The following EXOC4 variants were observed in gnomAD, a reference collection of about 807,000 sequenced individuals.
EXOC4 encodes the protein exocyst complex component 4.
Under a neutral mutation model 107.2 loss-of-function variants are expected in EXOC4, and 71 were observed. The observed-to-expected ratio is 0.66, with a 90% CI of 0.55 to 0.81. The LOEUF is 0.81. Among genes scored for constraint, EXOC4 ranks in the 30% least tolerant of loss-of-function variants. EXOC4 has a pLI of 0.00. For synonymous variants in EXOC4, 456 were observed against 441.2 expected (o/e 1.03, Z -0.42); for missense variants, 1,108 against 1,189.6 (o/e 0.93, Z 1.01).
intron 2 of EXOC4, among the ~76,000 whole-genome samples, chr7:133,280,329 T>C (rs1484214824): frequency 6.6e-6 from 1 of 152,218 alleles, no homozygotes; most frequent in Non-Finnish European, 1.5e-5. Context: ...GTTCTGCCAG[T>C]GTCTCTCATA....
At chr7:134,072,127 A>C in the EXOC4 span, among the ~76,000 whole-genome samples, 1 of 152,200 alleles carries the variant, frequency 6.6e-6, no homozygotes, top group Admixed American at 6.5e-5. Flanking sequence ...GAGGCTGGAG[A>C]TAACCCCAAG....
intron 7 of EXOC4, among the ~76,000 whole-genome samples, chr7:133,454,305 T>C (rs948825729): frequency 1.3e-5 from 2 of 152,212 alleles, no homozygotes; most frequent in Non-Finnish European, 2.9e-5. Context: ...ATTTTATTTA[T>C]TTTATTTTAT....
At chr7:133,804,657 G>T (rs1797030134) in intron 10 of EXOC4, among the ~76,000 whole-genome samples, 1 of 152,050 alleles carries the variant, frequency 6.6e-6, no homozygotes, top group Non-Finnish European at 1.5e-5. Context: ...TCACATTTTT[G>T]ACATATGAAA....
chr7:133,680,763 C>T (rs1794169757), intron 10 of EXOC4, among the ~76,000 whole-genome samples: 1 of 152,152 alleles, frequency 6.6e-6, no homozygotes. Context: ...GAACTTTTCC[C>T]ACTTTAAATA....
chr7:134,084,449 G>A, the EXOC4 span, among the ~76,000 whole-genome samples: 2 of 152,184 alleles, frequency 1.3e-5, no homozygotes, highest in African/African-American at 4.8e-5. Flanking sequence ...GCAAGGAGAA[G>A]AGTGACTAGT....
chr7:133,829,119 A>G (rs969376715), intron 11 of EXOC4, among the ~76,000 whole-genome samples: 1 of 152,220 alleles, frequency 6.6e-6, no homozygotes, highest in East Asian at 1.9e-4. Flanking sequence ...CAACAGTCAC[A>G]ATGTAAGCAA....
chr7:133,657,995 AG>A (rs1326382051), intron 10 of EXOC4, among the ~76,000 whole-genome samples: 4 of 152,186 alleles, frequency 2.6e-5, no homozygotes, highest in African/African-American at 4.8e-5. Flanking sequence ...TACAGAAAGC[AG>A]TTAGGTACCA....
intron 9 of EXOC4, among the ~76,000 whole-genome samples, chr7:133,537,136 A>G (rs1488546871): frequency 6.7e-6 from 1 of 148,726 alleles, no homozygotes; most frequent in Non-Finnish European, 1.5e-5. Context: ...TTAAATTCAC[A>G]CTGTTTATAT....
the EXOC4 span, among the ~76,000 whole-genome samples, chr7:134,086,117 A>G: frequency 2.0e-5 from 3 of 152,226 alleles, no homozygotes; most frequent in Non-Finnish European, 4.4e-5. Context: ...GCTGACCACT[A>G]AGTTAACTGA....
chr7:133,846,840 C>T (rs755398139), intron 11 of EXOC4, among the ~76,000 whole-genome samples: 1 of 152,198 alleles, frequency 6.6e-6, no homozygotes, highest in Non-Finnish European at 1.5e-5. Context: ...TGCTGGGTTT[C>T]GAGCTGAGGT....
At chr7:133,991,131 C>G (rs1017022415) in intron 14 of EXOC4, among the ~76,000 whole-genome samples, 8 of 151,966 alleles carry the variant, frequency 5.3e-5, no homozygotes, top group African/African-American at 1.9e-4. Context: ...AGATGATGCC[C>G]CCTTGTGGTT....
At chr7:133,334,023 C>A (rs529935427) in intron 5 of EXOC4, among the ~76,000 whole-genome samples, 1 of 152,142 alleles carries the variant, frequency 6.6e-6, no homozygotes, top group African/African-American at 2.4e-5. Flanking sequence ...TAGTTCTTTT[C>A]GACCCCAACC....
At chr7:133,299,199 G>T (rs1413435624) in intron 3 of EXOC4, among the ~76,000 whole-genome samples, 3 of 151,844 alleles carry the variant, frequency 2.0e-5, no homozygotes, top group Non-Finnish European at 4.4e-5. Flanking sequence ...TTGTAATTTG[G>T]GAGAAATGCC....
intron 10 of EXOC4, among the ~76,000 whole-genome samples, chr7:133,729,033 C>G (rs1195585340): frequency 6.6e-6 from 1 of 152,134 alleles, no homozygotes. Flanking sequence ...ATAGTCTAAT[C>G]TCTCTTCCAC....
At chr7:133,520,473 G>A (rs1489050053) in intron 9 of EXOC4, among the ~76,000 whole-genome samples, 1 of 152,020 alleles carries the variant, frequency 6.6e-6, no homozygotes, top group Admixed American at 6.6e-5. Context: ...TTTGTTAATC[G>A]ATGAAGCAGA....
At chr7:133,810,842 C>A (rs545922521) in intron 10 of EXOC4, among the ~76,000 whole-genome samples, 17 of 151,996 alleles carry the variant, frequency 1.1e-4, no homozygotes, top group African/African-American at 3.9e-4. Context: ...ACCATGTTAG[C>A]CAGGATGGTC....
chr7:133,570,274 A>G (rs1800994454), intron 9 of EXOC4, among the ~76,000 whole-genome samples: 1 of 152,138 alleles, frequency 6.6e-6, no homozygotes, highest in Non-Finnish European at 1.5e-5. Context: ...TGGGACTTGG[A>G]GGTCTTACAG....
intron 4 of EXOC4, chr7:133,315,540 TGA>T (rs1348289941): frequency 1.3e-5 from 2 of 151,952 alleles, no homozygotes; most frequent in Non-Finnish European, 2.9e-5. Flanking sequence ...ATGACGTCAT[TGA>T]GAGGAAAAAA....
chr7:134,053,778 A>G (rs920927229), intron 17 of EXOC4, among the ~76,000 whole-genome samples: 1 of 151,572 alleles, frequency 6.6e-6, no homozygotes, highest in Non-Finnish European at 1.5e-5. Context: ...TTAATCTTCT[A>G]TTTTCCTCCA....
Sources: gnomAD v4.1 joint callset for allele counts (sites outside exome capture counted in the v4.1 genomes callset) on GRCh38, gnomAD v4.1.1 for gene constraint, MANE v1.5 for transcripts, NCBI Gene and HGNC (gene_info 2026-07-23, HGNC 2026-07-21) for gene names.